PTPRO: variants seen among roughly 807,000 people sequenced by gnomAD.
PTPRO encodes protein tyrosine phosphatase receptor type O.
A neutral mutation model predicts 145.2 loss-of-function variants in PTPRO; 62 were observed. The observed-to-expected ratio is 0.43, with a 90% confidence interval of 0.35 to 0.53. The LOEUF is 0.53. Among genes scored for constraint, PTPRO ranks in the 20% least tolerant of loss-of-function variants. The pLI is 0.01. For missense variants in PTPRO, 1,345 were observed against 1,482.7 expected (o/e 0.91, Z 1.53); for synonymous variants, 565 against 514.7 (o/e 1.10, Z -1.32).
rs746902936 is a variant in PTPRO, at chr12:15,382,140, T to C, written c.75+59339T>C. Among the ~76,000 whole-genome samples, 193 of 148,606 alleles carry C rather than the reference T, an allele frequency of 1.3e-3. 1 individual carries two copies. Among genetic ancestry groups the C allele is most frequent in the Admixed American group, 2.3e-3 (34 of 14,950 alleles). On this transcript the variant is annotated intron_variant, in intron 1 of 26. Transcript: ENST00000281171. ...AAGTAGGAGGAAGGAAAAAGAGAGA[T>C]GGCATCCAAAAAGTGAGAAATATAT...
At chr12:15,560,643 G>C (rs1304709740) in intron 17 of PTPRO, among the ~76,000 whole-genome samples, 1 of 152,034 alleles carries the variant, frequency 6.6e-6, no homozygotes, top group African/African-American at 2.4e-5. Flanking sequence ...CATTAAGATG[G>C]AGAAATCAGA....
chr12:15,331,409 C>T (rs969631057), intron 1 of PTPRO, among the ~76,000 whole-genome samples: 1 of 152,110 alleles, frequency 6.6e-6, no homozygotes, highest in Admixed American at 6.6e-5. Context: ...ATCAGAGAGA[C>T]CTGAAGTCAA....
chr12:15,514,062 G>A (rs889878010), intron 7 of PTPRO, among the ~76,000 whole-genome samples: 1 of 152,136 alleles, frequency 6.6e-6, no homozygotes, highest in African/African-American at 2.4e-5. Context: ...ATTCTTGTGT[G>A]TGCCAACATT....
intron 1 of PTPRO, among the ~76,000 whole-genome samples, chr12:15,348,878 C>G (rs780797699): frequency 1.3e-5 from 2 of 152,034 alleles, no homozygotes; most frequent in Non-Finnish European, 2.9e-5. Context: ...TGCCAGACTT[C>G]TGACCTATAG....
At chr12:15,507,573 T>C (rs954110248) in intron 6 of PTPRO, among the ~76,000 whole-genome samples, 1 of 152,236 alleles carries the variant, frequency 6.6e-6, no homozygotes, top group Non-Finnish European at 1.5e-5. Flanking sequence ...TACTGTGATG[T>C]CCTAGACATC....
chr12:15,503,869 G>A (rs746393232), intron 5 of PTPRO, 39 bp from the exon 6 acceptor site: 2 of 1,510,826 alleles, frequency 1.3e-6, no homozygotes, highest in South Asian at 1.1e-5. Flanking sequence ...CTTTCCAGGT[G>A]TCTATTCATG....
At chr12:15,339,598 T>C (rs1048255282) in intron 1 of PTPRO, among the ~76,000 whole-genome samples, 1 of 152,166 alleles carries the variant, frequency 6.6e-6, no homozygotes, top group African/African-American at 2.4e-5. Flanking sequence ...GGTAGTTCAG[T>C]AAATTAGTCC....
intron 11 of PTPRO, among the ~76,000 whole-genome samples, chr12:15,525,418 A>G (rs1304559456): frequency 1.3e-5 from 2 of 152,218 alleles, no homozygotes; most frequent in East Asian, 3.8e-4. Context: ...GAGTGGCTCA[A>G]ACAAAATAGA....
rs778009587 is a variant in PTPRO, at chr12:15,484,071, T to G, written c.173T>G (p.Val58Gly). The change falls in exon 2 of 27, where the codon GTG (valine) becomes GGG (glycine). Residue 58 changes from valine to glycine, a missense_variant. Val to Gly is a moderately radical substitution (Grantham distance 109). Coordinates refer to ENST00000281171, the MANE Select transcript of PTPRO (RefSeq NM_030667.3). ...DVISPASVYV[V>G]KITGESKNYF... ...ATCAGTCCAGCATCTGTGTATGTTG[T>G]GAAGATAACTGGTGAATCCAAAAAT... The G allele has an allele frequency of 6.2e-7, 1 of 1,613,888 alleles. No homozygotes were observed. The highest frequency in any genetic ancestry group is 8.5e-7 in the Non-Finnish European group (1 of 1,179,814).
chr12:15,365,856 T>C (rs895179220), intron 1 of PTPRO, among the ~76,000 whole-genome samples: 2 of 152,158 alleles, frequency 1.3e-5, no homozygotes, highest in Non-Finnish European at 2.9e-5. Context: ...TGCTTGCTGT[T>C]ATTGGGTAGG....
chr12:15,448,137 T>C (rs968064378), intron 1 of PTPRO, among the ~76,000 whole-genome samples: 1 of 152,014 alleles, frequency 6.6e-6, no homozygotes. Context: ...CTCATTTCTT[T>C]AGCCTATAAG....
At chr12:15,520,968 T>G (rs1045463759) in intron 10 of PTPRO, among the ~76,000 whole-genome samples, 30 of 152,316 alleles carry the variant, frequency 2.0e-4, no homozygotes, top group African/African-American at 7.0e-4. Flanking sequence ...AAAAAACAAT[T>G]AGTCTTAGAT....
intron 1 of PTPRO, among the ~76,000 whole-genome samples, chr12:15,416,904 A>G (rs1939996144): frequency 6.6e-6 from 1 of 151,558 alleles, no homozygotes; most frequent in African/African-American, 2.4e-5. Flanking sequence ...GAAAATCAAT[A>G]TACTGTATGG....
intron 1 of PTPRO, among the ~76,000 whole-genome samples, chr12:15,478,415 C>T (rs1027102627): frequency 2.0e-5 from 3 of 152,184 alleles, no homozygotes; most frequent in African/African-American, 7.2e-5. Flanking sequence ...TAAAAATATT[C>T]TACAGATGAA....
chr12:15,349,270 T>G (rs1937710757), intron 1 of PTPRO, among the ~76,000 whole-genome samples: 1 of 152,184 alleles, frequency 6.6e-6, no homozygotes, highest in Non-Finnish European at 1.5e-5. Context: ...ATTGGCTAGA[T>G]GGGGGTACGA....
At chr12:15,494,391 T>G (rs888430288) in intron 2 of PTPRO, among the ~76,000 whole-genome samples, 1 of 152,222 alleles carries the variant, frequency 6.6e-6, no homozygotes, top group African/African-American at 2.4e-5. Flanking sequence ...TTGTCATCAC[T>G]GAAATACCTG....
intron 15 of PTPRO, among the ~76,000 whole-genome samples, chr12:15,552,878 C>A (rs1359666678): frequency 7.0e-6 from 1 of 143,606 alleles, no homozygotes; most frequent in Non-Finnish European, 1.5e-5. Context: ...TGGTTCACTG[C>A]AAGCTCTGCT....
At position 15,483,715 on chromosome 12, in the gene PTPRO, T is replaced by C. The variant is rs188699174; in HGVS notation, c.76-259T>C. ...TTATTACATGACACTGTCCACAAAC[T>C]GGAAGCAGATTTTCAGTGGAAAAAA... is the stretch of plus-strand genomic sequence containing the variant. On this transcript the variant is annotated intron_variant, in intron 1 of 26. Transcript: ENST00000281171. 2.7e-3 allele frequency among the ~76,000 whole-genome samples: 407 copies of C among 152,202 alleles called. 3 individuals are homozygous for C. The highest frequency in any genetic ancestry group is 9.5e-3 in the African/African-American group (396 of 41,558).
intron 2 of PTPRO, among the ~76,000 whole-genome samples, chr12:15,493,350 AATAG>A (rs1400060248): frequency 2.0e-5 from 3 of 152,152 alleles, no homozygotes; most frequent in Non-Finnish European, 2.9e-5. Context: ...AAGAACTGTT[AATAG>A]ATAGATTTCA....
Sources: allele counts gnomAD v4.1 joint callset (sites outside exome capture counted in the v4.1 genomes callset), GRCh38; gene constraint gnomAD v4.1.1; transcripts MANE v1.5; gene names NCBI Gene and HGNC (gene_info 2026-07-23, HGNC 2026-07-21).